SYNPO2: variants seen among roughly 807,000 people sequenced by gnomAD.
SYNPO2 encodes the protein synaptopodin 2.
In SYNPO2, 56 loss-of-function variants were observed where a neutral mutation model predicts 85.0. The ratio of observed to expected loss-of-function variants is 0.66; its 90% CI spans 0.53 to 0.82. The LOEUF is 0.82. Ranked by LOEUF, SYNPO2 falls within the 40% of genes least tolerant of loss-of-function variation. The pLI, the probability that SYNPO2 is intolerant of heterozygous loss-of-function variation, is 0.00. For missense variants in SYNPO2, 1,575 were observed against 1,534.2 expected, an observed-to-expected ratio of 1.03 and a Z score of -0.44; for synonymous variants, 602 against 591.1, an observed-to-expected ratio of 1.02 and a Z score of -0.27.
In SYNPO2 at chr4:118,878,951, C is replaced by G. The variant is rs556098332; in HGVS notation, c.12+28011C>G. Reference sequence around the variant, plus strand: ...TTCAGTTTTTGGGTCCGCACTACCTCTAAGAGCTGTAACACTCACTGCGAA... The same window carrying G: ...TTCAGTTTTTGGGTCCGCACTACCTGTAAGAGCTGTAACACTCACTGCGAA... On this transcript the variant is annotated intron_variant, in intron 1 of 4. Transcript: ENST00000610556. Among the ~76,000 whole-genome samples the G allele has an allele frequency of 4.6e-5, 7 of 152,322 alleles. No individual in the cohort carries two copies. In the East Asian group the frequency reaches 1.2e-3, roughly 25 times the overall value.
At chr4:118,974,175 T>C (rs1735641477) in intron 1 of SYNPO2, among the ~76,000 whole-genome samples, 1 of 152,250 alleles carries the variant, frequency 6.6e-6, no homozygotes, top group South Asian at 2.1e-4. Context: ...GAGTAAATTT[T>C]AGTGCTCAAA....
At chr4:119,038,736 T>TA (rs1350728807) in intron 4 of SYNPO2, among the ~76,000 whole-genome samples, 2 of 152,310 alleles carry the variant, frequency 1.3e-5, no homozygotes, top group African/African-American at 4.8e-5. Context: ...CCTGGAATCT[T>TA]AGAGTGTCAC....
At chr4:119,039,846 T>A (rs1738652645) in intron 4 of SYNPO2, among the ~76,000 whole-genome samples, 1 of 152,190 alleles carries the variant, frequency 6.6e-6, no homozygotes, top group Non-Finnish European at 1.5e-5. Context: ...AAGGTAATCA[T>A]GTCTTAAATG....
At chr4:118,939,822 C>T (rs4834724) in intron 1 of SYNPO2, among the ~76,000 whole-genome samples, 130,143 of 152,180 alleles carry the variant, frequency 0.86, 55,933 homozygotes, top group South Asian at 0.94. Context: ...TAGAGTTACC[C>T]GTCATGGTTT....
intron 1 of SYNPO2, among the ~76,000 whole-genome samples, chr4:118,958,691 C>T (rs1055644093): frequency 2.6e-5 from 4 of 152,182 alleles, no homozygotes; most frequent in African/African-American, 4.8e-5. Flanking sequence ...AAATTCTTTG[C>T]ACCTCCTCCT....
chr4:118,923,369 A>G (rs997406180), intron 1 of SYNPO2, among the ~76,000 whole-genome samples: 1 of 152,010 alleles, frequency 6.6e-6, no homozygotes, highest in Non-Finnish European at 1.5e-5. Flanking sequence ...CAAAGAAGGA[A>G]ACAACAGACA....
intron 1 of SYNPO2, among the ~76,000 whole-genome samples, chr4:118,925,568 G>A (rs1373688863): frequency 1.3e-5 from 2 of 152,110 alleles, no homozygotes; most frequent in East Asian, 1.9e-4. Context: ...GGTCTGTAAG[G>A]ACAGAGGCCT....
chr4:119,002,147 CT>C (rs1736843498), intron 1 of SYNPO2, among the ~76,000 whole-genome samples: 1 of 152,156 alleles, frequency 6.6e-6, no homozygotes, highest in East Asian at 1.9e-4. Context: ...TAATTGACAA[CT>C]GTCTTTCTTT....
intron 2 of SYNPO2, among the ~76,000 whole-genome samples, chr4:119,026,019 TC>T (rs1737921260): frequency 1.3e-5 from 2 of 152,196 alleles, no homozygotes; most frequent in African/African-American, 2.4e-5. Flanking sequence ...TTATAAATAC[TC>T]CATGACTTAA....
intron 4 of SYNPO2, chr4:119,036,939 G>T: frequency 8.2e-7 from 1 of 1,218,718 alleles, no homozygotes; most frequent in East Asian, 3.3e-5. Flanking sequence ...GTATACAGGG[G>T]AGAAAGCTAG....
upstream of SYNPO2, among the ~76,000 whole-genome samples, chr4:118,884,648 T>C (rs560590409): frequency 1.3e-5 from 2 of 152,330 alleles, no homozygotes; most frequent in South Asian, 4.1e-4. Flanking sequence ...AGGTGTATAA[T>C]TGAGGAATTT....
intron 1 of SYNPO2, among the ~76,000 whole-genome samples, chr4:118,986,601 T>C (rs1242863130): frequency 6.6e-6 from 1 of 152,212 alleles, no homozygotes; most frequent in African/African-American, 2.4e-5. Context: ...AATAGGCACA[T>C]GTGGCCATTT....
rs1379280905 is a variant in SYNPO2 at position 119,058,504 on chromosome 4, G to C, written c.*570G>C. On this transcript the variant is annotated 3_prime_UTR_variant, in exon 5 of 5. Coordinates refer to ENST00000307142, the MANE Select transcript of SYNPO2 (RefSeq NM_133477.3). ...TTTTTTTTTTTTGAGATGGAGTCTT[G>C]CTCTGTCCCACCCAGTCTGGAGTGC... The C allele has an allele frequency of 9.7e-6, 1 of 103,330 alleles. No individual in the cohort carries two copies. The highest frequency in any genetic ancestry group is 3.5e-4 in the East Asian group (1 of 2,890). The allele number at this position is 103,330 out of a possible 1,614,324, so 6.4% of individuals were successfully genotyped here.
chr4:118,858,669 T>C (rs74626083), intron 1 of SYNPO2, among the ~76,000 whole-genome samples: 6 of 152,132 alleles, frequency 3.9e-5, no homozygotes, highest in African/African-American at 7.2e-5. Flanking sequence ...TCCCCTATGA[T>C]ATTACCACAC....
At chr4:118,991,252 A>G (rs1256452678) in intron 1 of SYNPO2, among the ~76,000 whole-genome samples, 1 of 152,076 alleles carries the variant, frequency 6.6e-6, no homozygotes, top group Non-Finnish European at 1.5e-5. Flanking sequence ...GGTTCAAGCA[A>G]TTCTCCTGCC....
intron 4 of SYNPO2, chr4:119,042,476 T>G (rs1738746199): frequency 6.6e-6 from 1 of 152,228 alleles, no homozygotes; most frequent in Admixed American, 6.5e-5. Flanking sequence ...ATATTCTTAC[T>G]AATAACTAGC....
At chr4:119,011,618 G>T (rs984060668) in intron 1 of SYNPO2, among the ~76,000 whole-genome samples, 3 of 152,186 alleles carry the variant, frequency 2.0e-5, no homozygotes, top group African/African-American at 7.2e-5. Context: ...AGAATAAATA[G>T]AAAGTAAGAG....
intron 1 of SYNPO2, among the ~76,000 whole-genome samples, chr4:118,914,345 C>A (rs4834720): frequency 0.86 from 130,768 of 152,132 alleles, 56,270 homozygotes; most frequent in Middle Eastern, 0.95. Flanking sequence ...GCTGAAATAC[C>A]TGAAGCAAGA....
chr4:119,037,810 T>C, intron 4 of SYNPO2: 4 of 230,068 alleles, frequency 1.7e-5, no homozygotes, highest in Non-Finnish European at 2.9e-5. Context: ...GTGAGCTAGG[T>C]ATGATCATTA....
Sources: allele counts gnomAD v4.1 joint callset (sites outside exome capture counted in the v4.1 genomes callset), GRCh38; gene constraint gnomAD v4.1.1; transcripts MANE v1.5; gene names NCBI Gene and HGNC (gene_info 2026-07-23, HGNC 2026-07-21).